The following DLGAP2 variants were observed in gnomAD, a reference collection of about 807,000 sequenced individuals.
DLGAP2 encodes disks large-associated protein 2.
In DLGAP2, 26 loss-of-function variants were observed where a neutral mutation model predicts 100.3. That is an observed-to-expected ratio of 0.26 (90% CI 0.19 to 0.36). DLGAP2 has a LOEUF of 0.36. DLGAP2 is among the 10% of genes least tolerant of loss of function. The pLI is 1.00. For missense variants in DLGAP2, 1,858 were observed against 1,453.2 expected (o/e 1.28, Z -4.53); for synonymous variants, 886 against 630.1 (o/e 1.41, Z -6.08).
At chr8:1,429,967 C>CAAGA (rs1797365199) in intron 3 of DLGAP2, among the ~76,000 whole-genome samples, 1 of 100,030 alleles carries the variant, frequency 1.0e-5, no homozygotes, top group Non-Finnish European at 2.1e-5. Flanking sequence ...AAATATCATC[C>CAAGA]TGCAGAATGA....
At chr8:1,442,932 C>T (rs192591870) in intron 3 of DLGAP2, among the ~76,000 whole-genome samples, 1,542 of 152,328 alleles carry the variant, frequency 0.01, 18 homozygotes, top group Admixed American at 0.029. Context: ...CATCTTTTAC[C>T]GTAAACACGA....
At chr8:1,256,180 C>G (rs142230837) in intron 2 of DLGAP2, among the ~76,000 whole-genome samples, 680 of 100,002 alleles carry the variant, frequency 6.8e-3, no homozygotes, top group African/African-American at 0.031. Context: ...CTCATCCTGC[C>G]TGGGTGCTGT....
At chr8:1,507,515 C>T (rs1362409035) in intron 4 of DLGAP2, among the ~76,000 whole-genome samples, 1 of 152,190 alleles carries the variant, frequency 6.6e-6, no homozygotes, top group Non-Finnish European at 1.5e-5. Context: ...TCCCTCCACG[C>T]CTCCCCGCAA....
intron 4 of DLGAP2, among the ~76,000 whole-genome samples, chr8:1,540,887 A>G (rs1255423416): frequency 2.6e-5 from 4 of 152,258 alleles, no homozygotes; most frequent in African/African-American, 9.6e-5. Flanking sequence ...GATTTTAGAA[A>G]CAGTAGAATT....
chr8:1,257,291 C>T (rs1386011775), intron 2 of DLGAP2, among the ~76,000 whole-genome samples: 2 of 152,168 alleles, frequency 1.3e-5, no homozygotes, highest in African/African-American at 2.4e-5. Context: ...GGTCACCTTC[C>T]GAAGGAACCA....
At chr8:1,517,136 G>C (rs1800419734) in intron 4 of DLGAP2, among the ~76,000 whole-genome samples, 2 of 152,114 alleles carry the variant, frequency 1.3e-5, no homozygotes. Context: ...CATGAGCTGG[G>C]GACCCCCATG....
At position 1,700,961 on chromosome 8, in the gene DLGAP2, C is replaced by T. The variant is rs113382977; in HGVS notation, c.2950-227C>T. 6.0e-3 allele frequency among the ~76,000 whole-genome samples: 914 copies of T among 152,314 alleles called. 17 individuals carry two copies. Among genetic ancestry groups the T allele is most frequent in the African/African-American group, 0.021 (862 of 41,572 alleles). The stretch of plus-strand genomic sequence containing the variant: ...GTCCACGCTGCCCCTGACGCCTCTG[C>T]CCCCTTTGGAGAGTGCGAGGGAGCT... On this transcript the variant is annotated intron_variant, in intron 14 of 14. Transcript: ENST00000637795.
chr8:1,253,129 T>G (rs918859954), intron 2 of DLGAP2, among the ~76,000 whole-genome samples: 1 of 152,160 alleles, frequency 6.6e-6, no homozygotes, highest in African/African-American at 2.4e-5. Context: ...CAGATGCTCT[T>G]TGCATTCATG....
At chr8:1,575,659 C>T (rs535373060) in intron 6 of DLGAP2, among the ~76,000 whole-genome samples, 2 of 129,322 alleles carry the variant, frequency 1.5e-5, no homozygotes, top group Non-Finnish European at 3.1e-5. Context: ...TGATGTTCCC[C>T]TTCCTGTGTC....
At chr8:1,101,458 C>T (rs937964412) in intron 2 of DLGAP2, among the ~76,000 whole-genome samples, 1 of 152,072 alleles carries the variant, frequency 6.6e-6, no homozygotes, top group African/African-American at 2.4e-5. Context: ...ACAATGTGAG[C>T]GACTCACAGG....
At chr8:1,470,398 T>C (rs1798746657) in intron 3 of DLGAP2, among the ~76,000 whole-genome samples, 1 of 152,142 alleles carries the variant, frequency 6.6e-6, no homozygotes, top group African/African-American at 2.4e-5. Context: ...GCTGGATTCA[T>C]TCTGAGTGGC....
intron 1 of DLGAP2, among the ~76,000 whole-genome samples, chr8:853,635 G>C (rs959970528): frequency 6.6e-6 from 1 of 152,182 alleles, no homozygotes; most frequent in Non-Finnish European, 1.5e-5. Flanking sequence ...GGCCAGCCTC[G>C]CAAGCAGCCG....
chr8:1,445,648 C>T (rs1257041436), intron 3 of DLGAP2, among the ~76,000 whole-genome samples: 2 of 152,152 alleles, frequency 1.3e-5, no homozygotes, highest in Non-Finnish European at 2.9e-5. Context: ...AGTTCTAGAT[C>T]CCTGAGGAAT....
chr8:1,098,167 G>A (rs1804451422), intron 2 of DLGAP2, among the ~76,000 whole-genome samples: 1 of 152,238 alleles, frequency 6.6e-6, no homozygotes, highest in Admixed American at 6.5e-5. Context: ...CGGGCATCCC[G>A]GCCTTGGAGC....
At chr8:829,646 A>G (rs1257871446) in intron 1 of DLGAP2, among the ~76,000 whole-genome samples, 4 of 152,232 alleles carry the variant, frequency 2.6e-5, no homozygotes, top group Non-Finnish European at 5.9e-5. Context: ...TGTAAGCCAT[A>G]TGTCTTACCA....
At chr8:1,494,823 G>T (rs1218986984) in intron 3 of DLGAP2, among the ~76,000 whole-genome samples, 1 of 152,116 alleles carries the variant, frequency 6.6e-6, no homozygotes, top group Non-Finnish European at 1.5e-5. Context: ...CAGAGCTCCA[G>T]CCACGGGGTT....
At chr8:1,411,854 G>T (rs926770462) in intron 3 of DLGAP2, among the ~76,000 whole-genome samples, 14 of 152,306 alleles carry the variant, frequency 9.2e-5, no homozygotes, top group African/African-American at 3.4e-4. Context: ...ATGAGCCGTC[G>T]TGTGGGCCCT....
At chr8:1,606,770 C>T (rs1359649463) in intron 6 of DLGAP2, among the ~76,000 whole-genome samples, 1 of 152,148 alleles carries the variant, frequency 6.6e-6, no homozygotes, top group Non-Finnish European at 1.5e-5. Flanking sequence ...ACAACCTCCG[C>T]CCCCTGAGCT....
At chr8:1,088,748 T>TC (rs1804063344) in intron 2 of DLGAP2, among the ~76,000 whole-genome samples, 2 of 65,392 alleles carry the variant, frequency 3.1e-5, no homozygotes, top group African/African-American at 6.2e-5. Flanking sequence ...CTCCCCACCC[T>TC]ACTCTCTCCA....
Sources: gnomAD v4.1 joint callset for allele counts (sites outside exome capture counted in the v4.1 genomes callset) on GRCh38, gnomAD v4.1.1 for gene constraint, MANE v1.5 for transcripts, NCBI Gene and HGNC (gene_info 2026-07-23, HGNC 2026-07-21) for gene names.